Variants in CGB7 observed in about 807,000 individuals in gnomAD.
CGB7 encodes the protein choriogonadotropin subunit beta 7.
A neutral mutation model predicts 7.3 loss-of-function variants in CGB7; 6 were observed. The ratio of observed to expected loss-of-function variants is 0.82; its 90% CI spans 0.45 to 1.62. The LOEUF is 1.62. Among genes scored for constraint, CGB7 ranks in the 40% most tolerant of loss-of-function variants. The pLI is 0.01. For missense variants in CGB7, 114 were observed against 236.2 expected, an observed-to-expected ratio of 0.48 and a Z score of 3.39; for synonymous variants, 47 against 100.8, an observed-to-expected ratio of 0.47 and a Z score of 3.20.
At position 49,056,226 on chromosome 19, in the gene CGB7, C is replaced by G; in HGVS notation, c.-851G>C. On this transcript the variant is annotated 5_prime_UTR_variant, in exon 3 of 5. Transcript: ENST00000684222. The stretch of plus-strand genomic sequence containing the variant: ...GGCTGCCCAGAGCTCTGCTCCGCCC[C>G]CACGCCAGGGGGCGTGTCTGGGGTG... 1 of 1,287,412 alleles carries G rather than the reference C, an allele frequency of 7.8e-7. No homozygotes were observed. The highest frequency in any genetic ancestry group is 1.2e-5 in the South Asian group (1 of 80,972). 79.7% of individuals were successfully genotyped at this position (1,287,412 alleles called of 1,614,324 possible).
At chr19:49,056,974 G>T in intron 2 of CGB7, 147 bp downstream of exon 2, 1 of 846,060 alleles carries the variant, frequency 1.2e-6, no homozygotes, top group Non-Finnish European at 1.8e-6. Context: ...AGAGGGAGGG[G>T]CTGGGGTCTG....
At position 49,057,219 on chromosome 19, in the gene CGB7, C is replaced by T. The variant is rs2040077138; in HGVS notation, c.-1319G>A. On this transcript the variant is annotated 5_prime_UTR_variant, in exon 2 of 5. Transcript: ENST00000684222. ...ATACTGTGAAGGGTGGGCCAGACAG[C>T]GCGGGGTTCTTCGTGCAGGCGATTA... The T allele has an allele frequency of 6.5e-7, 1 of 1,534,044 alleles. No homozygotes were observed. Among genetic ancestry groups the T allele is most frequent in the Non-Finnish European group, 8.7e-7 (1 of 1,146,218 alleles).
intron 3 of CGB7, 109 bp downstream of exon 3, chr19:49,055,252 G>C: frequency 1.1e-5 from 18 of 1,602,882 alleles, no homozygotes; most frequent in Non-Finnish European, 1.4e-5. Flanking sequence ...TGGGGGTCAC[G>C]CTCCTCCAGA....
Position 49,057,481 on chromosome 19 carries a change from C to T in CGB7, c.-1368G>A, listed in dbSNP as rs2040081011. On this transcript the variant is annotated 5_prime_UTR_variant, in exon 1 of 5. Transcript: ENST00000684222. ...CCTCACCTCCCTAAATCCAAGCCCTCCTGCTGGTCAAGGAACTCAAATGCA... is the reference window on the plus strand; with the variant it reads ...CCTCACCTCCCTAAATCCAAGCCCTTCTGCTGGTCAAGGAACTCAAATGCA... 1 of 1,275,060 alleles carries T rather than the reference C, an allele frequency of 7.8e-7. No homozygotes were observed. The highest frequency in any genetic ancestry group is 1.0e-6 in the Non-Finnish European group (1 of 1,003,510). The allele number at this position is 1,275,060 out of a possible 1,614,324, so 79.0% of individuals were successfully genotyped here.
chr19:49,057,483 T>C lies in CGB7; in HGVS notation c.-1370A>G. The C allele has an allele frequency of 7.9e-7, 1 of 1,270,432 alleles. No individual in the cohort carries two copies. The highest frequency in any genetic ancestry group is 1.0e-6 in the Non-Finnish European group (1 of 1,000,736). The allele number at this position is 1,270,432 out of a possible 1,614,324, so 78.7% of individuals were successfully genotyped here. A position where few individuals can be genotyped will look rare whatever the true frequency, so the allele number is the denominator to read the frequency against. On this transcript the variant is annotated 5_prime_UTR_variant, in exon 1 of 5. Coordinates refer to ENST00000684222, the MANE Select transcript of CGB7 (RefSeq NM_001385261.1). ...TCACCTCCCTAAATCCAAGCCCTCC[T>C]GCTGGTCAAGGAACTCAAATGCAGG... is the stretch of plus-strand genomic sequence containing the variant.
Position 49,057,188 on chromosome 19 carries a change from G to C in CGB7, c.-1288C>G, listed in dbSNP as rs2040076627. ...AGCTGGCGGCGGTTCAGGACGCCCC[G>C]GTCGGATACTGTGAAGGGTGGGCCA... On this transcript the variant is annotated 5_prime_UTR_variant, in exon 2 of 5. Coordinates refer to ENST00000684222, the MANE Select transcript of CGB7 (RefSeq NM_001385261.1). The C allele has an allele frequency of 1.3e-6, 2 of 1,534,538 alleles. No individual in the cohort carries two copies. The highest frequency in any genetic ancestry group is 8.7e-7 in the Non-Finnish European group (1 of 1,146,384).
intron 3 of CGB7, 129 bp from the exon 4 acceptor site, chr19:49,055,137 C>A (rs2040040518): frequency 1.3e-6 from 2 of 1,555,014 alleles, no homozygotes; most frequent in South Asian, 1.2e-5. Flanking sequence ...CAGGACCCAC[C>A]ACCCGGACAC....
rs181988342 is a variant in CGB7, at chr19:49,055,967, G to A, written c.-592C>T. 2.6e-5 allele frequency: 29 copies of A among 1,111,130 alleles called. No homozygotes were observed. The highest frequency in any genetic ancestry group is 9.0e-5 in the Admixed American group (2 of 22,264). 68.8% of individuals were successfully genotyped at this position (1,111,130 alleles called of 1,614,324 possible). On this transcript the variant is annotated 5_prime_UTR_variant, in exon 3 of 5. Transcript: ENST00000684222. ...ACCCTACCCTCAAGCCAGGATGCCC[G>A]GAGCGGTCCCCGGAAATGCGTGTGC...
chr19:49,055,869 A>G lies in CGB7; in HGVS notation c.-494T>C, dbSNP rs2040054230. On this transcript the variant is annotated 5_prime_UTR_variant, in exon 3 of 5. Transcript: ENST00000684222. ...CTCCCCGTGACTGTGCTGCCAGGGA[A>G]GCCACTTGACCCAGATGCCCCCCAA... 1 of 1,084,554 alleles carries G rather than the reference A, an allele frequency of 9.2e-7. No homozygotes were observed. The highest frequency in any genetic ancestry group is 1.7e-5 in the African/African-American group (1 of 60,210). The allele number at this position is 1,084,554 out of a possible 1,614,324, so 67.2% of individuals were successfully genotyped here.
At chr19:49,057,368 C>G (rs1277302534) in intron 1 of CGB7, 94 bp downstream of exon 1, 1 of 1,427,550 alleles carries the variant, frequency 7.0e-7, no homozygotes, top group Non-Finnish European at 9.2e-7. Flanking sequence ...CGGCCACGGC[C>G]CTCACACCCC....
At position 49,056,280 on chromosome 19, in the gene CGB7, C is replaced by T. The variant is rs1304203380; in HGVS notation, c.-905G>A. ...CTGGCCCGGCAGGCTCCCACTAGCC[C>T]CGGCTTACAGCGGCCTGAGCGGGAG... On this transcript the variant is annotated 5_prime_UTR_variant, in exon 3 of 5. Transcript: ENST00000684222. The T allele has an allele frequency of 7.7e-7, 1 of 1,291,266 alleles. No individual in the cohort carries two copies. Among genetic ancestry groups the T allele is most frequent in the African/African-American group, 1.5e-5 (1 of 65,854 alleles). 80.0% of individuals were successfully genotyped at this position (1,291,266 alleles called of 1,614,324 possible).
chr19:49,054,842 A>G lies in CGB7; in HGVS notation c.182T>C (p.Met61Thr). Reference sequence around the variant, plus strand: ...CTGCCCGGGCCCCGGGCAGCTCACCATGGTGGGGCAGTAGCCGGCACAGAT... The same window carrying G: ...CTGCCCGGGCCCCGGGCAGCTCACCGTGGTGGGGCAGTAGCCGGCACAGAT... ...TTICAGYCPT[M>T]TRVLQGVLPA... The change falls in exon 4 of 5, where the codon ATG (methionine) becomes ACG (threonine). Residue 61 changes from methionine to threonine, a missense_variant and splice_region_variant. By Grantham distance (81) the Met-to-Thr change is moderately conservative. This residue lies in a region of CGB7 where 58 missense variants were observed against 91.7 expected (regional missense o/e 0.63). Transcript: ENST00000684222. 1 of 1,582,856 alleles carries G rather than the reference A, an allele frequency of 6.3e-7. No homozygotes were observed. The highest frequency in any genetic ancestry group is 8.5e-7 in the Non-Finnish European group (1 of 1,171,756).
rs1285559255 is a variant in CGB7 at position 49,056,434 on chromosome 19, G to A, written c.-1059C>T. On this transcript the variant is annotated 5_prime_UTR_variant, in exon 3 of 5. Coordinates refer to ENST00000684222, the MANE Select transcript of CGB7 (RefSeq NM_001385261.1). ...GGAGCGGGTGCGGCGAGGAGCTGTA[G>A]GTTTCCTGAGCCGGAGACATGGCCC... The A allele has an allele frequency of 7.7e-7, 1 of 1,298,146 alleles. No homozygotes were observed. Among genetic ancestry groups the A allele is most frequent in the Admixed American group, 2.3e-5 (1 of 43,948 alleles). 80.4% of individuals were successfully genotyped at this position (1,298,146 alleles called of 1,614,324 possible). A position where few individuals can be genotyped will look rare whatever the true frequency, so the allele number is the denominator to read the frequency against.
intron 2 of CGB7, 56 bp downstream of exon 2, chr19:49,057,065 C>T: frequency 6.6e-7 from 1 of 1,514,188 alleles, no homozygotes; most frequent in Non-Finnish European, 8.9e-7. Context: ...GCTCGGCGTG[C>T]ACCGGCCATG....
rs1457143858 is a variant in CGB7, at chr19:49,054,862, A to C, written c.162T>G (p.Cys54Trp). 15 of 1,588,274 alleles carry C rather than the reference A, an allele frequency of 9.4e-6. No individual in the cohort carries two copies. The highest frequency in any genetic ancestry group is 1.3e-5 in the Non-Finnish European group (15 of 1,173,966). Residue 54 changes from cysteine to tryptophan, a missense_variant, in exon 4 of 5, where the codon TGT becomes TGG. By Grantham distance (215) the Cys-to-Trp change is radical. Transcript: ENST00000684222. Reference sequence around the variant, plus strand: ...TCACCATGGTGGGGCAGTAGCCGGCACAGATGGTGGTGTTGACGGTGATGC... The same window carrying C: ...TCACCATGGTGGGGCAGTAGCCGGCCCAGATGGTGGTGTTGACGGTGATGC... ...PVCITVNTTI[C>W]AGYCPTMTRV...
intron 2 of CGB7, 151 bp downstream of exon 2, chr19:49,056,970 A>C: frequency 2.4e-6 from 2 of 817,924 alleles, no homozygotes; most frequent in Non-Finnish European, 3.8e-6. Flanking sequence ...TAAAAGAGGG[A>C]GGGGCTGGGG....
At position 49,057,100 on chromosome 19, in the gene CGB7, C is replaced by T. The variant is rs762299446; in HGVS notation, c.-1221+21G>A. ...GGCGGGGGCTGTGCAGGAGGCGGTG[C>T]CGAGCGAGAGCCCGGCTTACTTGGG... On this transcript the variant is annotated intron_variant, in intron 2 of 4. Transcript: ENST00000684222. 11 of 1,532,218 alleles carry T rather than the reference C, an allele frequency of 7.2e-6. 1 individual carries two copies. In the South Asian group the frequency reaches 1.2e-4, roughly 17 times the overall value. The allele number at this position is 1,532,218 out of a possible 1,614,324, so 94.9% of individuals were successfully genotyped here.
intron 1 of CGB7, 50 bp downstream of exon 1, chr19:49,057,412 C>T (rs1451555969): frequency 2.9e-6 from 4 of 1,390,138 alleles, no homozygotes; most frequent in Non-Finnish European, 2.8e-6. Flanking sequence ...GCCACCCACG[C>T]CAGGGAACTT....
Position 49,056,454 on chromosome 19 carries a change from T to A in CGB7, c.-1079A>T. On this transcript the variant is annotated 5_prime_UTR_variant, in exon 3 of 5. The change abolishes an upstream ATG in the 5' untranslated region. Transcript: ENST00000684222. ...CTGTAGGTTTCCTGAGCCGGAGACA[T>A]GGCCCGCCGTGCGGCGCTCGAGGCG... 3 of 1,299,206 alleles carry A rather than the reference T, an allele frequency of 2.3e-6. No homozygotes were observed. In the South Asian group the frequency reaches 3.7e-5, roughly 16 times the overall value. 80.5% of individuals were successfully genotyped at this position (1,299,206 alleles called of 1,614,324 possible). A position where few individuals can be genotyped will look rare whatever the true frequency, so the allele number is the denominator to read the frequency against.
Sources: gnomAD v4.1 joint callset for allele counts on GRCh38, gnomAD v4.1.1 for gene constraint, gnomAD v4.1.1 regional missense constraint, MANE v1.5 for transcripts, NCBI Gene and HGNC (gene_info 2026-07-23, HGNC 2026-07-21) for gene names.